The following ANKRD28 variants were observed in gnomAD, a reference collection of about 807,000 sequenced individuals.
ANKRD28 encodes ankyrin repeat domain 28, also known as serine/threonine-protein phosphatase 6 regulatory ankyrin repeat subunit A.
A neutral mutation model predicts 126.5 loss-of-function variants in ANKRD28; 44 were observed. That is an observed-to-expected ratio of 0.35 (90% CI 0.27 to 0.45). ANKRD28 has a LOEUF of 0.45. Among genes scored for constraint, ANKRD28 ranks in the 20% least tolerant of loss-of-function variants. The pLI is 1.00. For synonymous variants in ANKRD28, 442 were observed against 468.5 expected (o/e 0.94, Z 0.73); for missense variants, 1,110 against 1,316.6 (o/e 0.84, Z 2.43).
chr3:15,814,197 A>C lies in ANKRD28; in HGVS notation c.28-18891T>G. The C allele has an allele frequency of 2.8e-6, 3 of 1,066,438 alleles. No individual in the cohort carries two copies. The highest frequency in any genetic ancestry group is 3.6e-6 in the Non-Finnish European group (3 of 839,248). 66.1% of individuals were successfully genotyped at this position (1,066,438 alleles called of 1,614,324 possible). A position where few individuals can be genotyped will look rare whatever the true frequency, so the allele number is the denominator to read the frequency against. ...CAGCAACAAACTAACAAATTACAAG[A>C]GCTGCCTATATTACTGCAAGAGACT... On this transcript the variant is annotated intron_variant, in intron 1 of 27. Transcript: ENST00000399451. This position sits in a 1 kb window ranked among gnomAD's most constrained non-coding sequence, Gnocchi z 4.7.
Position 15,812,308 on chromosome 3 carries a change from T to C in ANKRD28, c.28-17002A>G, listed in dbSNP as rs940378937. On this transcript the variant is annotated intron_variant, in intron 1 of 27. Coordinates refer to the ANKRD28 transcript ENST00000399451. The surrounding 1 kb of genome is among the most constrained non-coding windows in gnomAD (Gnocchi z 4.1). ...ATGGGAAACTATACCATTATCTTAA[T>C]TTCATTTGTTTTTTAAATGAATTTT... Among the ~76,000 whole-genome samples, 31 of 88,230 alleles carry C rather than the reference T, an allele frequency of 3.5e-4. No individual in the cohort carries two copies. Among genetic ancestry groups the C allele is most frequent in the Non-Finnish European group, 1.7e-4 (6 of 36,046 alleles). The allele number at this position is 88,230 out of a possible 152,430, so 57.9% of individuals were successfully genotyped here.
At chr3:15,770,598 C>G (rs2058951573) in intron 2 of ANKRD28, among the ~76,000 whole-genome samples, 1 of 152,150 alleles carries the variant, frequency 6.6e-6, no homozygotes, top group Non-Finnish European at 1.5e-5. Flanking sequence ...ACACTTGAAA[C>G]ACTTTTGTCT....
At chr3:15,673,325 T>C (rs760167470) in intron 27 of ANKRD28, among the ~76,000 whole-genome samples, 9 of 152,264 alleles carry the variant, frequency 5.9e-5, no homozygotes, top group Non-Finnish European at 1.2e-4. Context: ...GACTATGTCT[T>C]ATTTTACACT....
chr3:15,848,132 C>T (rs2061565292), intron 1 of ANKRD28, among the ~76,000 whole-genome samples: 1 of 152,126 alleles, frequency 6.6e-6, no homozygotes, highest in African/African-American at 2.4e-5. Context: ...TGGGGCAACA[C>T]AAATGTAGCT....
rs964953901 is a variant in ANKRD28 at position 15,797,417 on chromosome 3, T to A, written c.-896A>T. The A allele has an allele frequency of 6.1e-6, 6 of 985,380 alleles. No homozygotes were observed. In the African/African-American group the frequency reaches 1.0e-4, roughly 17 times the overall value. The allele number at this position is 985,380 out of a possible 1,614,324, so 61.0% of individuals were successfully genotyped here. ...CGTTCATTCTTTCTCCATCAGGCAG[T>A]TGTCTGTGGCTGCTCCAGCAAAAGG... On this transcript the variant is annotated 5_prime_UTR_variant, in exon 1 of 28. Coordinates refer to ENST00000683139, the MANE Select transcript of ANKRD28 (RefSeq NM_001349278.2).
At chr3:15,750,736 T>A (rs2057805540) in intron 4 of ANKRD28, among the ~76,000 whole-genome samples, 2 of 152,320 alleles carry the variant, frequency 1.3e-5, no homozygotes, top group Middle Eastern at 6.8e-3. Context: ...AGAAGCTCCA[T>A]AGTTTCTCAT....
intron 4 of ANKRD28, among the ~76,000 whole-genome samples, chr3:15,739,404 C>T (rs1440921293): frequency 1.3e-5 from 2 of 152,066 alleles, no homozygotes; most frequent in Admixed American, 1.3e-4. Flanking sequence ...TCAGCCAGTC[C>T]CTCCACTTGG....
Position 15,707,830 on chromosome 3 carries a change from A to T in ANKRD28, c.1547+94T>A. ...GCAAAGATAATCAACAAAAAATACAAAGAGGAAACACAAATTTGCAACAAA... is the reference window on the plus strand; with the variant it reads ...GCAAAGATAATCAACAAAAAATACATAGAGGAAACACAAATTTGCAACAAA... On this transcript the variant is annotated intron_variant, in intron 14 of 27. Transcript: ENST00000683139. 5 of 1,443,008 alleles carry T rather than the reference A, an allele frequency of 3.5e-6. No individual in the cohort carries two copies. The South Asian group carries it at 6.8e-5, about 20-fold the overall frequency. The allele number at this position is 1,443,008 out of a possible 1,614,324, so 89.4% of individuals were successfully genotyped here.
chr3:15,757,980 C>T (rs2058256338), intron 3 of ANKRD28, among the ~76,000 whole-genome samples: 1 of 152,112 alleles, frequency 6.6e-6, no homozygotes, highest in African/African-American at 2.4e-5. Context: ...TGTATCTTGC[C>T]AGAGTCTGTA....
At chr3:15,858,033 C>G (rs1304027715) in intron 1 of ANKRD28, among the ~76,000 whole-genome samples, 7 of 152,174 alleles carry the variant, frequency 4.6e-5, no homozygotes, top group African/African-American at 1.7e-4. Flanking sequence ...TGTGCTTTAC[C>G]TGCTATTCTC....
chr3:15,693,902 T>C (rs1044107234), intron 17 of ANKRD28, among the ~76,000 whole-genome samples: 3 of 152,110 alleles, frequency 2.0e-5, no homozygotes, highest in Non-Finnish European at 2.9e-5. Flanking sequence ...TAAAAAATAA[T>C]AGTACATATG....
At position 15,690,012 on chromosome 3, in the gene ANKRD28, G is replaced by C; in HGVS notation, c.1963+7C>G. The C allele has an allele frequency of 6.3e-7, 1 of 1,597,630 alleles. No individual in the cohort carries two copies. The highest frequency in any genetic ancestry group is 1.1e-5 in the South Asian group (1 of 88,378). On this transcript the variant is annotated splice_region_variant and intron_variant, in intron 18 of 27. Coordinates refer to ENST00000683139, the MANE Select transcript of ANKRD28 (RefSeq NM_001349278.2). ...TATAAATAAATCAAGCATAATATCT[G>C]GCATACCTGCTGCATGAATAGGTGT... is the stretch of plus-strand genomic sequence containing the variant.
At chr3:15,711,865 A>AT (rs35787947) in intron 11 of ANKRD28, among the ~76,000 whole-genome samples, 69,339 of 147,462 alleles carry the variant, frequency 0.47, 18,798 homozygotes, top group Non-Finnish European at 0.6. Context: ...TTTTTTTTGT[A>AT]TTTTTTTTTT....
intron 6 of ANKRD28, among the ~76,000 whole-genome samples, chr3:15,728,335 C>A (rs1375152955): frequency 6.6e-6 from 1 of 152,192 alleles, no homozygotes; most frequent in Admixed American, 6.5e-5. Flanking sequence ...TGCTCTGTCA[C>A]CCTGGCTGAA....
At position 15,788,765 on chromosome 3, in the gene ANKRD28, C is replaced by T. The variant is rs140319565; in HGVS notation, c.201+6458G>A. 4.0e-3 allele frequency among the ~76,000 whole-genome samples: 610 copies of T among 151,998 alleles called. 1 individual carries two copies. Among genetic ancestry groups the T allele is most frequent in the East Asian group, 0.023 (118 of 5,182 alleles). Reference sequence around the variant, plus strand: ...GGAAAGGCATTTATTATTTTGGTCACGAAAATCTAGAAACACAAATGAAAG... The same window carrying T: ...GGAAAGGCATTTATTATTTTGGTCATGAAAATCTAGAAACACAAATGAAAG... On this transcript the variant is annotated intron_variant, in intron 2 of 27. Transcript: ENST00000683139.
intron 14 of ANKRD28, among the ~76,000 whole-genome samples, chr3:15,706,809 G>A (rs2126015104): frequency 6.6e-6 from 1 of 152,276 alleles, no homozygotes; most frequent in Middle Eastern, 3.4e-3. Context: ...GTATCTCACT[G>A]TGGTTTTTAT....
chr3:15,769,426 A>T lies in ANKRD28; in HGVS notation c.202-3114T>A, dbSNP rs80281624. On this transcript the variant is annotated intron_variant, in intron 2 of 27. Transcript: ENST00000683139. ...AAAAAGTGACGATCCCCTTAGACAC[A>T]GTAATTCCATTTTAAGGCTTTTTTA... is the stretch of plus-strand genomic sequence containing the variant. Among the ~76,000 whole-genome samples, 129 of 152,352 alleles carry T rather than the reference A, an allele frequency of 8.5e-4. 2 individuals are homozygous for T. In the East Asian group the frequency reaches 0.015, roughly 18 times the overall value.
chr3:15,697,059 A>C (rs1294753771), intron 14 of ANKRD28, among the ~76,000 whole-genome samples: 1 of 152,188 alleles, frequency 6.6e-6, no homozygotes, highest in Non-Finnish European at 1.5e-5. Flanking sequence ...CTATCAACGA[A>C]CGAGTGCGTA....
intron 24 of ANKRD28, among the ~76,000 whole-genome samples, chr3:15,677,844 AATTT>A (rs1253508230): frequency 6.6e-6 from 1 of 152,194 alleles, no homozygotes; most frequent in Non-Finnish European, 1.5e-5. Flanking sequence ...GATTTAAAGT[AATTT>A]ATTTAACCCT....
Sources: gnomAD v4.1 joint callset for allele counts (sites outside exome capture counted in the v4.1 genomes callset) on GRCh38, gnomAD v4.1.1 for gene constraint, Gnocchi (gnomAD v3.1) non-coding constraint, MANE v1.5 for transcripts, NCBI Gene and HGNC (gene_info 2026-07-23, HGNC 2026-07-21) for gene names.